PCDHA4: variants seen among roughly 807,000 people sequenced by gnomAD.
The protein encoded by PCDHA4 is protocadherin alpha-4.
A neutral mutation model predicts 61.4 loss-of-function variants in PCDHA4; 49 were observed. That is an observed-to-expected ratio of 0.80 (90% CI 0.63 to 1.01). The LOEUF is 1.01. Among genes scored for constraint, PCDHA4 ranks in the 50% least tolerant of loss-of-function variants. The pLI is 0.00. For missense variants in PCDHA4, 1,254 were observed against 1,235.8 expected (o/e 1.01, Z -0.22); for synonymous variants, 590 against 550.3 (o/e 1.07, Z -1.01).
chr5:140,962,511 C>T (rs1164554453), intron 1 of PCDHA4, among the ~76,000 whole-genome samples: 1 of 152,106 alleles, frequency 6.6e-6, no homozygotes, highest in Non-Finnish European at 1.5e-5. Flanking sequence ...AGCCAACTAT[C>T]AATAATATAT....
chr5:140,849,786 G>A, intron 1 of PCDHA4: 3 of 1,598,490 alleles, frequency 1.9e-6, no homozygotes, highest in African/African-American at 1.3e-5. Context: ...GCGGGACGGG[G>A]GCTCGCCTTC....
At chr5:140,987,235 TAAAG>T (rs1182642222) in intron 3 of PCDHA4, among the ~76,000 whole-genome samples, 2 of 151,266 alleles carry the variant, frequency 1.3e-5, no homozygotes, top group African/African-American at 2.4e-5. Flanking sequence ...AAATAATAAA[TAAAG>T]AAAGAAAGAC....
At chr5:140,853,957 G>C in intron 1 of PCDHA4, 1 of 736,982 alleles carries the variant, frequency 1.4e-6, no homozygotes. Flanking sequence ...TCCCTTCCTT[G>C]AGCCCAGCAG....
chr5:140,829,141 A>G, intron 1 of PCDHA4: 1 of 1,613,462 alleles, frequency 6.2e-7, no homozygotes, highest in Non-Finnish European at 8.5e-7. Flanking sequence ...TCCCTGAGAT[A>G]GCACTGACTT....
At chr5:140,871,305 G>T in intron 1 of PCDHA4, 14 of 1,613,992 alleles carry the variant, frequency 8.7e-6, no homozygotes, top group Non-Finnish European at 1.1e-5. Context: ...GCGCGCCGGG[G>T]AAGCCCACGC....
At position 140,856,940 on chromosome 5, in the gene PCDHA4, AC is replaced by A. The variant is rs782681005; in HGVS notation, c.2385+47369del. ...AAGGAAATTTTGGATAAACGAAAGGACGGGAGAAATAAAAGTAAATGATGCT... is the reference window on the plus strand; with the variant it reads ...AAGGAAATTTTGGATAAACGAAAGGAGGGAGAAATAAAAGTAAATGATGCT... On this transcript the variant is annotated intron_variant, in intron 1 of 3. Transcript: ENST00000530339. The A allele has an allele frequency of 1.9e-5, 30 of 1,593,712 alleles. No individual in the cohort carries two copies. In the South Asian group the frequency reaches 3.3e-4, roughly 18 times the overall value.
chr5:140,876,326 T>C, intron 1 of PCDHA4: 4 of 1,614,046 alleles, frequency 2.5e-6, no homozygotes, highest in Non-Finnish European at 3.4e-6. Context: ...AAAATGATTT[T>C]GCCAGTGAGT....
chr5:140,969,249 A>G (rs1586364972), intron 1 of PCDHA4: 1 of 1,614,240 alleles, frequency 6.2e-7, no homozygotes, highest in Admixed American at 1.7e-5. Flanking sequence ...GCAGTGACTG[A>G]CAGCAGGAAT....
chr5:140,850,026 C>T (rs2150464054), intron 1 of PCDHA4: 2 of 1,596,828 alleles, frequency 1.3e-6, no homozygotes, highest in Non-Finnish European at 1.7e-6. Context: ...CGTGTCAGTG[C>T]ACGCGGAGAG....
intron 1 of PCDHA4, among the ~76,000 whole-genome samples, chr5:140,941,247 CTTTCTTTCTCTT>C (rs1165264412): frequency 7.0e-5 from 9 of 128,506 alleles, no homozygotes; most frequent in African/African-American, 1.7e-4. Context: ...TTCTTTCTTT[CTTTCTTTCTCTT>C]TCTTTCTTTC....
chr5:140,945,800 C>T (rs1411676680), intron 1 of PCDHA4, among the ~76,000 whole-genome samples: 1 of 152,026 alleles, frequency 6.6e-6, no homozygotes, highest in African/African-American at 2.4e-5. Flanking sequence ...TGAAACTAGA[C>T]CCTTATCTCA....
chr5:141,003,308 A>C (rs2098118679), intron 3 of PCDHA4, among the ~76,000 whole-genome samples: 1 of 152,200 alleles, frequency 6.6e-6, no homozygotes, highest in Non-Finnish European at 1.5e-5. Context: ...TGAAGTGGCC[A>C]GCTACTTCCA....
At chr5:140,893,391 G>T (rs1481818388) in intron 1 of PCDHA4, among the ~76,000 whole-genome samples, 1 of 152,158 alleles carries the variant, frequency 6.6e-6, no homozygotes, top group Non-Finnish European at 1.5e-5. Context: ...AGTGGCTCAT[G>T]CCTGTAATCC....
intron 1 of PCDHA4, among the ~76,000 whole-genome samples, chr5:140,839,815 A>G (rs1776430186): frequency 6.6e-6 from 1 of 152,044 alleles, no homozygotes; most frequent in Admixed American, 6.6e-5. Context: ...ATTGCCTACT[A>G]TGAAGGCATT....
intron 1 of PCDHA4, chr5:140,850,189 T>C: frequency 6.3e-7 from 1 of 1,593,496 alleles, no homozygotes; most frequent in South Asian, 1.1e-5. Flanking sequence ...GCGCCGGCGC[T>C]GCTGACACCT....
chr5:140,914,944 CTTTTT>C (rs35695909), intron 1 of PCDHA4, among the ~76,000 whole-genome samples: 1 of 128,266 alleles, frequency 7.8e-6, no homozygotes, highest in Non-Finnish European at 1.7e-5. Context: ...GAAAAGTTGT[CTTTTT>C]TTTTTTTTTT....
At chr5:140,983,142 CTTGGCATGCATG>C (rs1316699573) in intron 3 of PCDHA4, among the ~76,000 whole-genome samples, 4 of 152,212 alleles carry the variant, frequency 2.6e-5, no homozygotes, top group Admixed American at 6.5e-5. Flanking sequence ...CTTTTAGTGC[CTTGGCATGCATG>C]TTGCCAAACA....
chr5:141,002,157 GGGC>G (rs797024683), intron 3 of PCDHA4, among the ~76,000 whole-genome samples: 4 of 152,372 alleles, frequency 2.6e-5, no homozygotes, highest in African/African-American at 9.6e-5. Flanking sequence ...TTAGCAGAGT[GGGC>G]GGTAGGCAGG....
At position 140,877,452 on chromosome 5, in the gene PCDHA4, G is replaced by A. The variant is rs116206336; in HGVS notation, c.2385+67880G>A. On this transcript the variant is annotated intron_variant, in intron 1 of 3. Transcript: ENST00000530339. ...AGGACCACGGTGAGCCCGCGCTGAC[G>A]TCCACGGCCACGGTGCTGGTGTCGC... 1,416 of 1,613,822 alleles carry A rather than the reference G, an allele frequency of 8.8e-4. 8 individuals carry two copies. The African/African-American group carries it at 0.017, about 19-fold the overall frequency.
Sources: gnomAD v4.1 joint callset for allele counts (sites outside exome capture counted in the v4.1 genomes callset) on GRCh38, gnomAD v4.1.1 for gene constraint, MANE v1.5 for transcripts, NCBI Gene and HGNC (gene_info 2026-07-23, HGNC 2026-07-21) for gene names.